The following INSL6 variants were observed in gnomAD, a reference collection of about 807,000 sequenced individuals.
The protein encoded by INSL6 is insulin like 6, also known as insulin-like peptide INSL6.
A neutral mutation model predicts 9.4 loss-of-function variants in INSL6; 16 were observed. That is an observed-to-expected ratio of 1.70 (90% CI 1.15 to 2.59). The LOEUF is 2.59. Among genes scored for constraint, INSL6 ranks in the 30% most tolerant of loss-of-function variants. INSL6 has a pLI of 0.00. For synonymous variants in INSL6, 154 were observed against 96.9 expected (o/e 1.59, Z -3.46); for missense variants, 391 against 257.3 (o/e 1.52, Z -3.56).
chr9:5,018,009 G>T, the INSL6 span, among the ~76,000 whole-genome samples: 1 of 152,134 alleles, frequency 6.6e-6, no homozygotes, highest in Non-Finnish European at 1.5e-5. Flanking sequence ...ATGAGGTTTT[G>T]TAAGTGGCAT....
chr9:5,164,174 C>T lies in INSL6; in HGVS notation c.381G>A (p.Lys127=), dbSNP rs749711756. 5 of 1,607,472 alleles carry T rather than the reference C, an allele frequency of 3.1e-6. No homozygotes were observed. In the South Asian group the frequency reaches 5.6e-5, roughly 18 times the overall value. Residue 127 remains lysine (K), a synonymous_variant, in exon 2 of 2, where the codon AAG becomes AAA. Transcript: ENST00000381641. ...TATGTGATGAAGAAAATTCTCTTGT[C>T]TTACCAAGGGGTGAATATCCCTTTT... ...KDKKGYSPLG[K]TREFSSSHNI...
the INSL6 span, among the ~76,000 whole-genome samples, chr9:5,048,361 T>C: frequency 1.3e-5 from 2 of 152,160 alleles, no homozygotes; most frequent in Non-Finnish European, 2.9e-5. Flanking sequence ...CAGGCTGGTC[T>C]CGAACTCCTG....
At chr9:5,120,833 G>A (rs1468898974), downstream of INSL6, among the ~76,000 whole-genome samples, 2 of 152,130 alleles carry the variant, frequency 1.3e-5, no homozygotes, top group Non-Finnish European at 2.9e-5. Flanking sequence ...TTTTCAAATT[G>A]AGCAGCTAAA....
chr9:5,126,454 T>A (rs200047976), intron 3 of INSL6: 3 of 1,421,278 alleles, frequency 2.1e-6, no homozygotes, highest in Non-Finnish European at 2.9e-6. Flanking sequence ...GAGGTAACAA[T>A]TTTTTTTTAA....
chr9:5,033,307 A>T, the INSL6 span, among the ~76,000 whole-genome samples: 2 of 152,216 alleles, frequency 1.3e-5, no homozygotes, highest in African/African-American at 4.8e-5. Context: ...CCAAGTTGGA[A>T]AACACTCTGC....
At chr9:5,001,461 A>G in the INSL6 span, among the ~76,000 whole-genome samples, 1 of 152,144 alleles carries the variant, frequency 6.6e-6, no homozygotes, top group Non-Finnish European at 1.5e-5. Flanking sequence ...GTTTTGCTCC[A>G]TTATTCTGTT....
intron 1 of INSL6, among the ~76,000 whole-genome samples, chr9:5,177,010 T>G (rs961941280): frequency 6.6e-6 from 1 of 152,122 alleles, no homozygotes; most frequent in African/African-American, 2.4e-5. Context: ...ATCATAAGAA[T>G]AGAATATAAG....
intron 1 of INSL6, among the ~76,000 whole-genome samples, chr9:5,169,755 A>C (rs938991474): frequency 5.3e-5 from 8 of 152,210 alleles, no homozygotes; most frequent in African/African-American, 1.9e-4. Flanking sequence ...AAACCAACGA[A>C]GATAAAAAAG....
the INSL6 span, chr9:5,085,834 C>T: frequency 2.6e-6 from 2 of 762,440 alleles, no homozygotes; most frequent in Non-Finnish European, 4.9e-6. Context: ...AAGGCTTTTC[C>T]TTTTACATCA....
intron 2 of INSL6, among the ~76,000 whole-genome samples, chr9:5,135,480 C>T (rs2130882596): frequency 6.6e-6 from 1 of 152,288 alleles, no homozygotes; most frequent in East Asian, 1.9e-4. Context: ...CTCAAAACCA[C>T]ACAACTACAT....
the INSL6 span, among the ~76,000 whole-genome samples, chr9:5,008,604 A>G: frequency 1.3e-5 from 2 of 152,210 alleles, no homozygotes; most frequent in Admixed American, 6.5e-5. Context: ...AGTGATTTTT[A>G]TATGTGTGGG....
the INSL6 span, among the ~76,000 whole-genome samples, chr9:4,998,143 T>C: frequency 8.5e-4 from 130 of 152,328 alleles, no homozygotes; most frequent in Non-Finnish European, 1.7e-3. Context: ...CAATTTTATT[T>C]TTTATAGACA....
At chr9:5,155,038 C>G (rs1387382941) in intron 2 of INSL6, among the ~76,000 whole-genome samples, 1 of 151,620 alleles carries the variant, frequency 6.6e-6, no homozygotes, top group Admixed American at 6.6e-5. Flanking sequence ...ATGTTTATTG[C>G]GGCACTATTC....
chr9:5,154,331 A>C (rs1320522517), intron 2 of INSL6, among the ~76,000 whole-genome samples: 1 of 152,236 alleles, frequency 6.6e-6, no homozygotes, highest in Admixed American at 6.5e-5. Flanking sequence ...TTCAAGATGG[A>C]TTAAAGACTT....
chr9:5,113,332 C>G, the INSL6 span, among the ~76,000 whole-genome samples: 1 of 146,922 alleles, frequency 6.8e-6, no homozygotes, highest in African/African-American at 2.5e-5. Flanking sequence ...GAGGGAGATG[C>G]TGTGGAAACT....
At chr9:5,022,692 C>G in the INSL6 span, among the ~76,000 whole-genome samples, 1 of 152,146 alleles carries the variant, frequency 6.6e-6, no homozygotes, top group Non-Finnish European at 1.5e-5. Context: ...ATCTTGAAAT[C>G]ATTTTTACTC....
chr9:5,015,284 C>T, the INSL6 span, among the ~76,000 whole-genome samples: 183 of 152,264 alleles, frequency 1.2e-3, 1 homozygote, highest in African/African-American at 3.9e-3. Flanking sequence ...TGTAACTAGA[C>T]GTAGAATTGT....
At chr9:5,139,886 T>C (rs1000452677) in intron 2 of INSL6, among the ~76,000 whole-genome samples, 3 of 152,200 alleles carry the variant, frequency 2.0e-5, no homozygotes, top group African/African-American at 4.8e-5. Context: ...TTTGAAAGCT[T>C]GTAGTGAACA....
At chr9:5,078,542 G>A in the INSL6 span, 2 of 830,338 alleles carry the variant, frequency 2.4e-6, no homozygotes, top group Non-Finnish European at 3.7e-6. Context: ...CATTTAATTT[G>A]TATGTTCCTG....
Sources: gnomAD v4.1 joint callset for allele counts (sites outside exome capture counted in the v4.1 genomes callset) on GRCh38, gnomAD v4.1.1 for gene constraint, MANE v1.5 for transcripts, NCBI Gene and HGNC (gene_info 2026-07-23, HGNC 2026-07-21) for gene names.